The following AGAP1 variants were observed in gnomAD, a reference collection of about 807,000 sequenced individuals.
AGAP1 encodes the protein ArfGAP with GTPase domain, ankyrin repeat and PH domain 1.
In AGAP1, 29 loss-of-function variants were observed where a neutral mutation model predicts 105.3. The observed-to-expected ratio is 0.28, with a 90% CI of 0.21 to 0.38. The LOEUF (loss-of-function observed/expected upper bound fraction) is 0.38, where lower values mean the gene tolerates loss of function less well. Among genes scored for constraint, AGAP1 ranks in the 10% least tolerant of loss-of-function variants. The probability of loss-of-function intolerance (pLI) is 1.00; values close to 1 mark genes in which losing one functional copy is unlikely to be tolerated. For missense variants in AGAP1, 998 were observed against 1,165.1 expected (o/e 0.86, Z 2.09); for synonymous variants, 509 against 485.9 (o/e 1.05, Z -0.63).
rs949326402 is a variant in AGAP1, at chr2:236,000,973, A to T, written c.1645+32350A>T. 3.3e-5 allele frequency among the ~76,000 whole-genome samples: 5 copies of T among 152,162 alleles called. No individual in the cohort carries two copies. Among genetic ancestry groups the T allele is most frequent in the African/African-American group, 1.2e-4 (5 of 41,428 alleles). On this transcript the variant is annotated intron_variant, in intron 13 of 17. Coordinates refer to ENST00000304032, the MANE Select transcript of AGAP1 (RefSeq NM_001037131.3). This position sits in a 1 kb window ranked among gnomAD's most constrained non-coding sequence, Gnocchi z 4.3. ...CATAAAGGACTGTCATCCATCTGTC[A>T]TTGGCTGAATTGTGACCTCCAGAAA...
At chr2:235,693,057 T>A (rs1030720211) in intron 1 of AGAP1, among the ~76,000 whole-genome samples, 2 of 152,102 alleles carry the variant, frequency 1.3e-5, no homozygotes, top group Non-Finnish European at 2.9e-5. Flanking sequence ...GCCTTCCTGA[T>A]GTGGGCTGCG....
At chr2:235,837,659 C>G (rs1960327288) in intron 9 of AGAP1, among the ~76,000 whole-genome samples, 1 of 152,178 alleles carries the variant, frequency 6.6e-6, no homozygotes, top group African/African-American at 2.4e-5. Context: ...CATATAACAA[C>G]AGCTCACTAA....
Position 235,759,371 on chromosome 2 carries a change from G to T in AGAP1, c.673+8883G>T, listed in dbSNP as rs113138487. The stretch of plus-strand genomic sequence containing the variant: ...TTTTTAGTAGAGACGGGCTTTCACC[G>T]TGTTAGCCAGGATGGTCTTGATCTC... On this transcript the variant is annotated intron_variant, in intron 6 of 17. Coordinates refer to ENST00000304032, the MANE Select transcript of AGAP1 (RefSeq NM_001037131.3). Among the ~76,000 whole-genome samples the T allele has an allele frequency of 6.0e-5, 9 of 150,394 alleles. No individual in the cohort carries two copies. The South Asian group carries it at 1.1e-3, about 18-fold the overall frequency.
intron 1 of AGAP1, among the ~76,000 whole-genome samples, chr2:235,646,189 C>G (rs371740595): frequency 6.7e-6 from 1 of 149,738 alleles, no homozygotes; most frequent in East Asian, 2.0e-4. Context: ...GCAGGAGAAT[C>G]GCTTGAACCT....
At position 235,555,770 on chromosome 2, in the gene AGAP1, C is replaced by G. The variant is rs1943953438; in HGVS notation, c.163+60921C>G. Among the ~76,000 whole-genome samples, 1 of 152,150 alleles carries G rather than the reference C, an allele frequency of 6.6e-6. No homozygotes were observed. The highest frequency in any genetic ancestry group is 1.5e-5 in the Non-Finnish European group (1 of 68,036). On this transcript the variant is annotated intron_variant, in intron 1 of 17. Coordinates refer to ENST00000304032, the MANE Select transcript of AGAP1 (RefSeq NM_001037131.3). This position sits in a 1 kb window ranked among gnomAD's most constrained non-coding sequence, Gnocchi z 5.1. The stretch of plus-strand genomic sequence containing the variant: ...TGGCTGAAGTGCTCAGGAGAGGAGA[C>G]TTTGGGGGTCATCACTCATTTCTGA...
intron 3 of AGAP1, among the ~76,000 whole-genome samples, chr2:235,730,036 A>G (rs1951857689): frequency 6.6e-6 from 1 of 152,124 alleles, no homozygotes; most frequent in Non-Finnish European, 1.5e-5. Context: ...GGCTCATCGA[A>G]TAGCAACCAT....
intron 6 of AGAP1, among the ~76,000 whole-genome samples, chr2:235,779,434 A>C (rs1956120746): frequency 6.6e-6 from 1 of 152,206 alleles, no homozygotes; most frequent in African/African-American, 2.4e-5. Context: ...GTAGGACCTT[A>C]GTCTGTCTGG....
chr2:235,786,234 G>A (rs1364488822), intron 6 of AGAP1, among the ~76,000 whole-genome samples: 1 of 152,236 alleles, frequency 6.6e-6, no homozygotes, highest in African/African-American at 2.4e-5. Flanking sequence ...TTGAGAATAA[G>A]TGAGAGAGAA....
intron 16 of AGAP1, among the ~76,000 whole-genome samples, chr2:236,106,839 C>G (rs753668176): frequency 1.1e-4 from 16 of 152,182 alleles, no homozygotes; most frequent in Non-Finnish European, 1.6e-4. Flanking sequence ...CCAAGAACCC[C>G]TGCTGCCTCC....
At chr2:235,925,324 GT>G (rs199781741) in intron 11 of AGAP1, among the ~76,000 whole-genome samples, 2,087 of 152,038 alleles carry the variant, frequency 0.014, 44 homozygotes, top group African/African-American at 0.047. Flanking sequence ...GGTGCGCAGA[GT>G]TTTCCCACAT....
chr2:236,068,739 G>T (rs962062350), intron 16 of AGAP1, among the ~76,000 whole-genome samples: 3 of 145,402 alleles, frequency 2.1e-5, no homozygotes, highest in African/African-American at 7.8e-5. Context: ...GGCAGAGCTT[G>T]CAGTGAGCCA....
intron 1 of AGAP1, among the ~76,000 whole-genome samples, chr2:235,703,989 A>G (rs75200497): frequency 0.032 from 4,847 of 152,188 alleles, 217 homozygotes; most frequent in African/African-American, 0.093. Context: ...AAATGCTTCT[A>G]TTTTATGGTG....
intron 1 of AGAP1, among the ~76,000 whole-genome samples, chr2:235,520,340 ACTT>A (rs755794870): frequency 3.9e-5 from 6 of 152,034 alleles, no homozygotes; most frequent in Admixed American, 6.6e-5. Context: ...GTTGGTGGAG[ACTT>A]CTTCTGAAAC....
At chr2:235,526,389 G>T (rs1942840069) in intron 1 of AGAP1, among the ~76,000 whole-genome samples, 1 of 152,186 alleles carries the variant, frequency 6.6e-6, no homozygotes, top group Non-Finnish European at 1.5e-5. Context: ...TATGGGAAGG[G>T]CTTTGGTGCA....
rs917335982 is a variant in AGAP1, at chr2:235,725,752, C to T, written c.310+8108C>T. ...TGATGATTTTCAGAATTAACCTGAT[C>T]ACTCACCATGGAAATACCATTCCCC... On this transcript the variant is annotated intron_variant, in intron 3 of 17. Coordinates refer to ENST00000304032, the MANE Select transcript of AGAP1 (RefSeq NM_001037131.3). This position sits in a 1 kb window ranked among gnomAD's most constrained non-coding sequence, Gnocchi z 5.7. Among the ~76,000 whole-genome samples, 1 of 152,220 alleles carries T rather than the reference C, an allele frequency of 6.6e-6. No homozygotes were observed. The highest frequency in any genetic ancestry group is 2.4e-5 in the African/African-American group (1 of 41,456).
At chr2:236,029,739 C>T (rs193004163) in intron 13 of AGAP1, among the ~76,000 whole-genome samples, 1 of 150,244 alleles carries the variant, frequency 6.7e-6, no homozygotes, top group Non-Finnish European at 1.5e-5. Context: ...TTCTTCTCTG[C>T]TCTTTTCTGT....
In AGAP1 at chr2:235,930,739, T is replaced by C. The variant is rs749100525; in HGVS notation, c.1325-26T>C. The C allele has an allele frequency of 1.5e-5, 24 of 1,609,286 alleles. 1 individual carries two copies. The East Asian group carries it at 3.8e-4, about 25-fold the overall frequency. ...TTCTGTGGTCTGCAGTCCGCGGTGG[T>C]GTTCACCTGACTTGTTTATTCCTAG... is the stretch of plus-strand genomic sequence containing the variant. On this transcript the variant is annotated intron_variant, in intron 11 of 17. Coordinates refer to ENST00000304032, the MANE Select transcript of AGAP1 (RefSeq NM_001037131.3). The surrounding 1 kb of genome is among the most constrained non-coding windows in gnomAD (Gnocchi z 7.9).
In AGAP1 at chr2:235,590,621, C is replaced by T. The variant is rs150019234; in HGVS notation, c.163+95772C>T. Among the ~76,000 whole-genome samples the T allele has an allele frequency of 8.7e-3, 1,290 of 148,960 alleles. 44 individuals are homozygous for T. Among genetic ancestry groups the T allele is most frequent in the Admixed American group, 0.065 (970 of 14,980 alleles). ...ACAGAACCTGCCAGGATAGGCCACT[C>T]ATTTTTGTTTTTGTTTCTGTTTTTT... On this transcript the variant is annotated intron_variant, in intron 1 of 17. Transcript: ENST00000304032.
chr2:236,037,322 T>C (rs1020241690), intron 14 of AGAP1: 1 of 152,170 alleles, frequency 6.6e-6, no homozygotes, highest in African/African-American at 2.4e-5. Flanking sequence ...CCCCCAAATG[T>C]TTCTATATTA....
Sources: allele counts gnomAD v4.1 joint callset (sites outside exome capture counted in the v4.1 genomes callset), GRCh38; gene constraint gnomAD v4.1.1; non-coding constraint Gnocchi (gnomAD v3.1); transcripts MANE v1.5; gene names NCBI Gene and HGNC (gene_info 2026-07-23, HGNC 2026-07-21).